The following EVC variants were observed in gnomAD, a reference collection of about 807,000 sequenced individuals.
The protein encoded by EVC is EvC ciliary complex subunit 1, also known as evC complex member EVC.
A neutral mutation model predicts 118.9 loss-of-function variants in EVC; 116 were observed. The ratio of observed to expected loss-of-function variants is 0.98; its 90% CI spans 0.84 to 1.14. The LOEUF is 1.14. EVC is among the 50% of genes most tolerant of loss of function. The probability of loss-of-function intolerance (pLI) is 0.00; values close to 1 mark genes in which losing one functional copy is unlikely to be tolerated. For synonymous variants in EVC, 619 were observed against 534.7 expected (o/e 1.16, Z -2.18); for missense variants, 1,401 against 1,246.4 (o/e 1.12, Z -1.87).
At chr4:5,718,891 G>C (rs1017369321) in intron 1 of EVC, among the ~76,000 whole-genome samples, 1 of 152,202 alleles carries the variant, frequency 6.6e-6, no homozygotes, top group Non-Finnish European at 1.5e-5. Flanking sequence ...CTCATGCTTA[G>C]TTGTTAAATC....
intron 2 of EVC, among the ~76,000 whole-genome samples, chr4:5,721,860 C>G (rs1442938861): frequency 6.6e-6 from 1 of 152,126 alleles, no homozygotes; most frequent in East Asian, 1.9e-4. Flanking sequence ...GAGCAAGACT[C>G]TGTCTCAAAA....
Position 5,737,750 on chromosome 4 carries a change from T to C in EVC, c.703-3966T>C, listed in dbSNP as rs757040751. Among the ~76,000 whole-genome samples, 9 of 152,190 alleles carry C rather than the reference T, an allele frequency of 5.9e-5. No homozygotes were observed. Among genetic ancestry groups the C allele is most frequent in the Non-Finnish European group, 1.3e-4 (9 of 68,036 alleles). On this transcript the variant is annotated intron_variant, in intron 5 of 20. Transcript: ENST00000264956. This position sits in a 1 kb window ranked among gnomAD's most constrained non-coding sequence, Gnocchi z 5.0. ...GAAAATAAACTTCTTTTCAAAATGT[T>C]ACTGGTCATTTTCAAAACCCCTGGT...
chr4:5,715,461 A>G (rs1356509386), intron 1 of EVC, among the ~76,000 whole-genome samples: 1 of 152,074 alleles, frequency 6.6e-6, no homozygotes, highest in African/African-American at 2.4e-5. Flanking sequence ...CATGTTCTTA[A>G]AGTTTGAGAA....
At chr4:5,808,449 T>A in intron 18 of EVC, 122 bp downstream of exon 18, 1 of 1,481,164 alleles carries the variant, frequency 6.8e-7, no homozygotes, top group Non-Finnish European at 9.3e-7. Flanking sequence ...GTGGCATCGT[T>A]GACCCGCTGA....
At chr4:5,771,608 T>G (rs1432690824) in intron 11 of EVC, among the ~76,000 whole-genome samples, 1 of 152,182 alleles carries the variant, frequency 6.6e-6, no homozygotes, top group Non-Finnish European at 1.5e-5. Flanking sequence ...GAGAAATAAA[T>G]TTGTTTATTG....
intron 11 of EVC, among the ~76,000 whole-genome samples, chr4:5,781,820 ATC>A (rs1166776608): frequency 6.6e-6 from 1 of 152,094 alleles, no homozygotes; most frequent in Non-Finnish European, 1.5e-5. Context: ...ACAGAGGGAG[ATC>A]CTGTCTCAAA....
intron 5 of EVC, among the ~76,000 whole-genome samples, chr4:5,740,960 A>G (rs918905921): frequency 1.3e-5 from 2 of 152,234 alleles, no homozygotes; most frequent in African/African-American, 2.4e-5. Context: ...AAAGATGTGG[A>G]GAAACTGGAT....
Position 5,741,760 on chromosome 4 carries a change from T to C in EVC, c.747T>C (p.Pro249=). ...IFKMCLLDLL[P]KKKSDDELYQ... is the part of the protein sequence containing the mutation. Reference sequence around the variant, plus strand: ...AAATGTGCCTCCTTGACCTTCTTCCTAAAAAGAAGTCAGATGATGAACTAT... The same window carrying C: ...AAATGTGCCTCCTTGACCTTCTTCCCAAAAAGAAGTCAGATGATGAACTAT... Residue 249 remains proline (P), a synonymous_variant, in exon 6 of 21, where the codon CCT becomes CCC. Coordinates refer to ENST00000264956, the MANE Select transcript of EVC (RefSeq NM_153717.3). 1 of 1,573,882 alleles carries C rather than the reference T, an allele frequency of 6.4e-7. No individual in the cohort carries two copies. The highest frequency in any genetic ancestry group is 8.7e-7 in the Non-Finnish European group (1 of 1,145,014).
rs147089732 is a variant in EVC at position 5,805,098 on chromosome 4, G to A, written c.2561+257G>A. The stretch of plus-strand genomic sequence containing the variant: ...CAGGTTTAAGTGGCATTCACAGCCC[G>A]GACACAGGTCTAAGCCATGTTTAGA... On this transcript the variant is annotated intron_variant, in intron 17 of 20. Transcript: ENST00000264956. Among the ~76,000 whole-genome samples, 29 of 152,236 alleles carry A rather than the reference G, an allele frequency of 1.9e-4. 1 individual carries two copies. The highest frequency in any genetic ancestry group is 4.2e-4 in the South Asian group (2 of 4,816).
rs1219510458 is a variant in EVC at position 5,794,335 on chromosome 4, T to TTATA, written c.1886+621_1886+624dup. Among the ~76,000 whole-genome samples, 771 of 110,568 alleles carry TTATA rather than the reference T, an allele frequency of 7.0e-3. 11 individuals carry two copies. Among genetic ancestry groups the TTATA allele is most frequent in the African/African-American group, 0.021 (723 of 34,918 alleles). The allele number at this position is 110,568 out of a possible 152,430, so 72.5% of individuals were successfully genotyped here. A position where few individuals can be genotyped will look rare whatever the true frequency, so the allele number is the denominator to read the frequency against. On this transcript the variant is annotated intron_variant, in intron 13 of 20. Transcript: ENST00000264956. ...TATATTTATATATATTTATATATATTTATATACTTATATATATATTTATGT... is the reference window on the plus strand; with the variant it reads ...TATATTTATATATATTTATATATATTTATATATATACTTATATATATATTTATGT...
intron 2 of EVC, among the ~76,000 whole-genome samples, chr4:5,725,049 C>G (rs111468985): frequency 0.079 from 12,092 of 152,208 alleles, 612 homozygotes; most frequent in Middle Eastern, 0.13. Flanking sequence ...CTGTAAAGGA[C>G]ACGATCTTGT....
At chr4:5,779,075 C>T (rs1479399351) in intron 11 of EVC, among the ~76,000 whole-genome samples, 1 of 152,154 alleles carries the variant, frequency 6.6e-6, no homozygotes, top group African/African-American at 2.4e-5. Flanking sequence ...CCAGTTTTCC[C>T]AGCACCATTT....
At chr4:5,810,850 C>G (rs1716796405) in intron 20 of EVC, 103 bp from the exon 21 acceptor site, 1 of 1,129,628 alleles carries the variant, frequency 8.9e-7, no homozygotes, top group Non-Finnish European at 1.3e-6. Flanking sequence ...TTGTTTTGAT[C>G]ACCTTTGGCT....
chr4:5,752,733 C>T (rs1730581309), intron 8 of EVC, 103 bp from the exon 9 acceptor site: 7 of 1,151,388 alleles, frequency 6.1e-6, no homozygotes, highest in East Asian at 2.3e-5. Context: ...CCAGGCAGTG[C>T]CATTAGTTAA....
intron 1 of EVC, among the ~76,000 whole-genome samples, chr4:5,713,246 T>G (rs1198109172): frequency 6.6e-6 from 1 of 152,236 alleles, no homozygotes; most frequent in Non-Finnish European, 1.5e-5. Context: ...CAGTTTGATG[T>G]GATCCTTGCG....
chr4:5,766,960 G>C (rs1008839651), intron 11 of EVC, among the ~76,000 whole-genome samples: 1 of 151,746 alleles, frequency 6.6e-6, no homozygotes, highest in African/African-American at 2.4e-5. Context: ...GCATTCCTTT[G>C]GAGGAGGAGA....
chr4:5,729,086 A>C (rs768775566), intron 2 of EVC, among the ~76,000 whole-genome samples: 4 of 151,742 alleles, frequency 2.6e-5, no homozygotes, highest in Non-Finnish European at 4.4e-5. Flanking sequence ...CCACCCACCC[A>C]TTCATTCACC....
chr4:5,794,299 T>A (rs1248831902), intron 13 of EVC, among the ~76,000 whole-genome samples: 9 of 123,462 alleles, frequency 7.3e-5, no homozygotes, highest in African/African-American at 1.3e-4. Context: ...TTTTATATAT[T>A]TATATTTTTA....
chr4:5,821,983 A>G, the EVC span: 1 of 633,416 alleles, frequency 1.6e-6, no homozygotes, highest in Non-Finnish European at 2.4e-6. The surrounding 1 kb of genome is among the most constrained non-coding windows in gnomAD (Gnocchi z 4.4). Context: ...AGGACCAGCC[A>G]TGGGAAGCCT....
Sources: gnomAD v4.1 joint callset for allele counts (sites outside exome capture counted in the v4.1 genomes callset) on GRCh38, gnomAD v4.1.1 for gene constraint, Gnocchi (gnomAD v3.1) non-coding constraint, MANE v1.5 for transcripts, NCBI Gene and HGNC (gene_info 2026-07-23, HGNC 2026-07-21) for gene names.